The following HTR1E variants were observed in gnomAD, a reference collection of about 807,000 sequenced individuals.
HTR1E encodes the protein 5-hydroxytryptamine receptor 1E, also known as 5-HT-1E.
Under a neutral mutation model 3.4 loss-of-function variants are expected in HTR1E, and 3 were observed. The observed-to-expected ratio is 0.89, with a 90% CI of 0.41 to 2.31. HTR1E has a LOEUF of 2.31. HTR1E is among the 30% of genes most tolerant of loss of function. HTR1E has a pLI of 0.05. For synonymous variants in HTR1E, 170 were observed against 182.8 expected, an observed-to-expected ratio of 0.93 and a Z score of 0.56; for missense variants, 392 against 467.0, an observed-to-expected ratio of 0.84 and a Z score of 1.48.
chr6:86,990,364 A>G (rs978429623), intron 1 of HTR1E, among the ~76,000 whole-genome samples: 2 of 152,216 alleles, frequency 1.3e-5, no homozygotes, highest in Non-Finnish European at 2.9e-5. Flanking sequence ...TTTGCCTTCA[A>G]TGGAGACTCT....
At chr6:86,981,222 T>G (rs1424211413) in intron 1 of HTR1E, among the ~76,000 whole-genome samples, 5 of 152,240 alleles carry the variant, frequency 3.3e-5, no homozygotes, top group African/African-American at 1.2e-4. Flanking sequence ...TCCACTTTGC[T>G]GCTTACTGAC....
At position 86,937,615 on chromosome 6, in the gene HTR1E, C is replaced by G. The variant is rs1449558242; in HGVS notation, c.-394C>G. ...GGCGCGCCGCGCTCCCAGGTTCTGT[C>G]TCGCCGCACCCCGGCGGGCACTGGC... is the stretch of plus-strand genomic sequence containing the variant. On this transcript the variant is annotated 5_prime_UTR_variant, in exon 1 of 2. Coordinates refer to ENST00000305344, the MANE Select transcript of HTR1E (RefSeq NM_000865.3). The G allele has an allele frequency of 6.5e-6, 1 of 152,858 alleles. No homozygotes were observed. The highest frequency in any genetic ancestry group is 1.9e-4 in the East Asian group (1 of 5,194). The allele number at this position is 152,858 out of a possible 1,614,324, so 9.5% of individuals were successfully genotyped here. A position where few individuals can be genotyped will look rare whatever the true frequency, so the allele number is the denominator to read the frequency against.
intron 1 of HTR1E, among the ~76,000 whole-genome samples, chr6:87,008,932 T>C (rs1768158868): frequency 6.6e-6 from 1 of 152,238 alleles, no homozygotes; most frequent in South Asian, 2.1e-4. Flanking sequence ...TCCTTATGTT[T>C]AAGCTTCCTT....
chr6:86,950,143 G>T (rs936676044), intron 1 of HTR1E, among the ~76,000 whole-genome samples: 1 of 152,254 alleles, frequency 6.6e-6, no homozygotes, highest in South Asian at 2.1e-4. Flanking sequence ...CATAATCATT[G>T]TTAAATATTA....
chr6:86,982,496 G>T (rs923354059), intron 1 of HTR1E, among the ~76,000 whole-genome samples: 7 of 152,234 alleles, frequency 4.6e-5, no homozygotes, highest in African/African-American at 1.7e-4. Flanking sequence ...GCCTGAGGAG[G>T]AGTGAGAATC....
intron 1 of HTR1E, among the ~76,000 whole-genome samples, chr6:86,942,256 A>G (rs1281709963): frequency 1.3e-5 from 2 of 152,196 alleles, no homozygotes; most frequent in East Asian, 1.9e-4. Context: ...GAATTCAGTA[A>G]TATTTATCCT....
Position 86,980,064 on chromosome 6 carries a change from T to A in HTR1E, c.-185-35086T>A, listed in dbSNP as rs138935224. The stretch of plus-strand genomic sequence containing the variant: ...AGCTGAGGGGGTGGAAGCTGGATTA[T>A]CTTAGCTGACAAGATCAGTCCTTTA... On this transcript the variant is annotated intron_variant, in intron 1 of 1. Transcript: ENST00000305344. Among the ~76,000 whole-genome samples the A allele has an allele frequency of 1.1e-3, 163 of 152,258 alleles. 1 individual carries two copies. Among genetic ancestry groups the A allele is most frequent in the African/African-American group, 3.8e-3 (157 of 41,550 alleles).
At chr6:87,003,205 CAT>C (rs1768049959) in intron 1 of HTR1E, among the ~76,000 whole-genome samples, 1 of 152,042 alleles carries the variant, frequency 6.6e-6, no homozygotes, top group South Asian at 2.1e-4. Context: ...GGAAATTAAA[CAT>C]GTTTCTGAAT....
intron 1 of HTR1E, among the ~76,000 whole-genome samples, chr6:86,960,551 A>G (rs930653366): frequency 3.3e-5 from 5 of 152,184 alleles, no homozygotes; most frequent in Admixed American, 3.3e-4. Flanking sequence ...GCTCAGGTGA[A>G]TGTTCTGTTA....
intron 1 of HTR1E, among the ~76,000 whole-genome samples, chr6:86,983,510 G>T (rs1212083865): frequency 6.6e-6 from 1 of 152,122 alleles, no homozygotes; most frequent in Non-Finnish European, 1.5e-5. Flanking sequence ...CCCAGAAGCT[G>T]GGACAAGTAA....
intron 1 of HTR1E, among the ~76,000 whole-genome samples, chr6:86,961,793 G>A (rs1767411835): frequency 1.3e-5 from 2 of 152,198 alleles, no homozygotes; most frequent in Admixed American, 6.5e-5. Flanking sequence ...AAAAATGCAT[G>A]CCTAGCTATA....
intron 1 of HTR1E, among the ~76,000 whole-genome samples, chr6:86,995,290 T>TAGA (rs1767919699): frequency 8.2e-6 from 1 of 122,022 alleles, no homozygotes; most frequent in Non-Finnish European, 1.7e-5. Context: ...ATCTCTATAA[T>TAGA]ATAATAAATA....
At chr6:86,970,555 G>A (rs61267551) in intron 1 of HTR1E, 17,032 of 177,884 alleles carry the variant, frequency 0.096, 1,003 homozygotes, top group Middle Eastern at 0.17. Flanking sequence ...TGAGAAAGAA[G>A]TTTGCCCAAA....
At chr6:86,988,354 T>C (rs918896552) in intron 1 of HTR1E, among the ~76,000 whole-genome samples, 1 of 152,142 alleles carries the variant, frequency 6.6e-6, no homozygotes, top group Non-Finnish European at 1.5e-5. Flanking sequence ...CAAATTAGCA[T>C]GCCAATTTCA....
intron 1 of HTR1E, among the ~76,000 whole-genome samples, chr6:86,958,293 C>T (rs893930021): frequency 1.3e-5 from 2 of 152,082 alleles, no homozygotes; most frequent in East Asian, 1.9e-4. Context: ...ATCCTGACCT[C>T]GTGATCTGCC....
At chr6:86,945,020 TAA>T (rs55890166) in intron 1 of HTR1E, among the ~76,000 whole-genome samples, 1 of 146,292 alleles carries the variant, frequency 6.8e-6, no homozygotes, top group Non-Finnish European at 1.5e-5. Context: ...CCTACTTAAT[TAA>T]AAAAAAAAAG....
chr6:86,995,702 A>G (rs1767931852), intron 1 of HTR1E, among the ~76,000 whole-genome samples: 2 of 142,010 alleles, frequency 1.4e-5, no homozygotes, highest in Non-Finnish European at 3.1e-5. Flanking sequence ...AAAAAAAAAA[A>G]AAGAAAACAT....
intron 1 of HTR1E, among the ~76,000 whole-genome samples, chr6:86,983,386 AT>A (rs1231654177): frequency 1.3e-5 from 2 of 152,012 alleles, no homozygotes; most frequent in East Asian, 3.8e-4. Flanking sequence ...AAGAACATTT[AT>A]ACCTCAAGTT....
At chr6:86,960,118 A>G (rs1582261329) in intron 1 of HTR1E, among the ~76,000 whole-genome samples, 1 of 152,300 alleles carries the variant, frequency 6.6e-6, no homozygotes, top group Non-Finnish European at 1.5e-5. Context: ...AATAGTGAAG[A>G]CTGGATGATT....
Sources: gnomAD v4.1 joint callset for allele counts (sites outside exome capture counted in the v4.1 genomes callset) on GRCh38, gnomAD v4.1.1 for gene constraint, MANE v1.5 for transcripts, NCBI Gene and HGNC (gene_info 2026-07-23, HGNC 2026-07-21) for gene names.